EPHB3: variants seen among roughly 807,000 people sequenced by gnomAD.
EPHB3 encodes ephrin type-B receptor 3.
EPHB3 carries 33 observed loss-of-function variants against 100.2 expected under a neutral mutation model. That is an observed-to-expected ratio of 0.33 (90% CI 0.25 to 0.44). The LOEUF (loss-of-function observed/expected upper bound fraction) is 0.44, where lower values mean the gene tolerates loss of function less well. Among genes scored for constraint, EPHB3 ranks in the 20% least tolerant of loss-of-function variants. The pLI, the probability that EPHB3 is intolerant of heterozygous loss-of-function variation, is 1.00. For missense variants in EPHB3, 1,045 were observed against 1,378.3 expected, an observed-to-expected ratio of 0.76 and a Z score of 3.83; for synonymous variants, 526 against 554.7, an observed-to-expected ratio of 0.95 and a Z score of 0.73.
intron 1 of EPHB3, among the ~76,000 whole-genome samples, chr3:184,568,875 C>T (rs1714463406): frequency 1.3e-5 from 2 of 152,206 alleles, no homozygotes; most frequent in South Asian, 4.1e-4. Context: ...TGGCCAAGGG[C>T]CGATCCCCTC....
chr3:184,566,463 C>T (rs934708453), intron 1 of EPHB3, among the ~76,000 whole-genome samples: 2 of 152,202 alleles, frequency 1.3e-5, no homozygotes, highest in African/African-American at 4.8e-5. Context: ...GGAGGTGGCC[C>T]TGGGTGAGTT....
intron 1 of EPHB3, among the ~76,000 whole-genome samples, chr3:184,567,923 A>G (rs1030258234): frequency 1.8e-4 from 27 of 152,310 alleles, no homozygotes; most frequent in African/African-American, 6.3e-4. Context: ...TGAATGTCTA[A>G]GGAAGACTAA....
At chr3:184,570,212 A>G (rs1019025296) in intron 1 of EPHB3, among the ~76,000 whole-genome samples, 2 of 152,180 alleles carry the variant, frequency 1.3e-5, no homozygotes, top group Admixed American at 1.3e-4. Context: ...GGCTTCCTGG[A>G]GGAGGCAACA....
At chr3:184,580,669 G>T (rs1560064933) in intron 12 of EPHB3, 52 bp downstream of exon 12, 1 of 1,609,082 alleles carries the variant, frequency 6.2e-7, no homozygotes, top group Non-Finnish European at 8.5e-7. Flanking sequence ...TCAGCCAGGG[G>T]CTCGGGCCTG....
Position 184,573,308 on chromosome 3 carries a change from A to G in EPHB3, c.856+132A>G, listed in dbSNP as rs1714589539. The G allele has an allele frequency of 8.8e-7, 1 of 1,133,214 alleles. No individual in the cohort carries two copies. The allele number at this position is 1,133,214 out of a possible 1,614,324, so 70.2% of individuals were successfully genotyped here. On this transcript the variant is annotated intron_variant, in intron 3 of 15. Coordinates refer to ENST00000330394, the MANE Select transcript of EPHB3 (RefSeq NM_004443.4). The surrounding 1 kb of genome is among the most constrained non-coding windows in gnomAD (Gnocchi z 4.5). ...AGCAGGTCCACAGTGGAGGCAGGAG[A>G]GGGAAGAGTGGGGATCAGATGCAGA... is the stretch of plus-strand genomic sequence containing the variant.
intron 11 of EPHB3, 127 bp from the exon 12 acceptor site, chr3:184,580,275 A>T (rs1233683521): frequency 1.6e-6 from 2 of 1,233,446 alleles, no homozygotes; most frequent in Non-Finnish European, 2.3e-6. Flanking sequence ...ACTTACCCTC[A>T]GGGCACTCTG....
At chr3:184,566,743 G>A (rs762890520) in intron 1 of EPHB3, among the ~76,000 whole-genome samples, 10 of 152,240 alleles carry the variant, frequency 6.6e-5, no homozygotes, top group Non-Finnish European at 1.2e-4. Flanking sequence ...CACTCTGCGG[G>A]CCCAGCCCTG....
rs1216467135 is a variant in EPHB3, at chr3:184,573,436, T to G, written c.856+260T>G. Among the ~76,000 whole-genome samples, 1 of 151,962 alleles carries G rather than the reference T, an allele frequency of 6.6e-6. No homozygotes were observed. The highest frequency in any genetic ancestry group is 1.9e-4 in the East Asian group (1 of 5,180). On this transcript the variant is annotated intron_variant, in intron 3 of 15. Transcript: ENST00000330394. The surrounding 1 kb of genome is among the most constrained non-coding windows in gnomAD (Gnocchi z 4.5). The stretch of plus-strand genomic sequence containing the variant: ...GAGAGAGGAAGAGAAGCATGCAGAA[T>G]CCTTGGCAAGCAGGCACCTGGAGAA...
rs1417409301 is a variant in EPHB3, at chr3:184,561,941, G to C, written c.-295G>C. ...CACCTGCACCCTCCTGCCCCGGCCCGCCCCCCAAGTCCTCAGGCACCCAGC... is the reference window on the plus strand; with the variant it reads ...CACCTGCACCCTCCTGCCCCGGCCCCCCCCCCAAGTCCTCAGGCACCCAGC... On this transcript the variant is annotated 5_prime_UTR_variant, in exon 1 of 16. Transcript: ENST00000330394. 6.4e-6 allele frequency: 1 copy of C among 155,818 alleles called. No individual in the cohort carries two copies. Among genetic ancestry groups the C allele is most frequent in the Non-Finnish European group, 1.4e-5 (1 of 71,078 alleles). The allele number at this position is 155,818 out of a possible 1,614,324, so 9.7% of individuals were successfully genotyped here. A position where few individuals can be genotyped will look rare whatever the true frequency, so the allele number is the denominator to read the frequency against.
Position 184,578,946 on chromosome 3 carries a change from G to C in EPHB3, c.1801+480G>C, listed in dbSNP as rs1714751493. ...GGTGGGGAAGGAGCCCAACTGTGGGGGCAGCGAGAAGACTGGTTTGACAGC... is the reference window on the plus strand; with the variant it reads ...GGTGGGGAAGGAGCCCAACTGTGGGCGCAGCGAGAAGACTGGTTTGACAGC... On this transcript the variant is annotated intron_variant, in intron 9 of 15. Coordinates refer to ENST00000330394, the MANE Select transcript of EPHB3 (RefSeq NM_004443.4). This position sits in a 1 kb window ranked among gnomAD's most constrained non-coding sequence, Gnocchi z 4.7. Among the ~76,000 whole-genome samples the C allele has an allele frequency of 1.3e-5, 2 of 152,082 alleles. No individual in the cohort carries two copies. Among genetic ancestry groups the C allele is most frequent in the African/African-American group, 4.8e-5 (2 of 41,414 alleles).
chr3:184,577,496 C>T lies in EPHB3; in HGVS notation c.1479+29C>T. The T allele has an allele frequency of 6.2e-7, 1 of 1,612,922 alleles. No homozygotes were observed. Among genetic ancestry groups the T allele is most frequent in the South Asian group, 1.1e-5 (1 of 90,942 alleles). ...AGAACCTCAAGGGGCAGGAGGAGGC[C>T]TTGGGCTGAGCTGGGCTGAGAAAAT... On this transcript the variant is annotated intron_variant, in intron 6 of 15. Transcript: ENST00000330394. The surrounding 1 kb of genome is among the most constrained non-coding windows in gnomAD (Gnocchi z 4.9).
rs1386649657 is a variant in EPHB3, at chr3:184,582,285, C to T, written c.*663C>T. ...GTGTGTGTGTGTGTGTGTGCGCGCG[C>T]GCGCGCGTGTGTGTGTGCACGCACT... On this transcript the variant is annotated 3_prime_UTR_variant, in exon 16 of 16. Transcript: ENST00000330394. 4.6e-5 allele frequency: 7 copies of T among 152,598 alleles called. No homozygotes were observed. Among genetic ancestry groups the T allele is most frequent in the East Asian group, 1.9e-4 (1 of 5,150 alleles). The allele number at this position is 152,598 out of a possible 1,614,324, so 9.5% of individuals were successfully genotyped here.
Position 184,571,181 on chromosome 3 carries a change from T to A in EPHB3, c.119-137T>A, listed in dbSNP as rs887850824. On this transcript the variant is annotated intron_variant, in intron 1 of 15. Transcript: ENST00000330394. The surrounding 1 kb of genome is among the most constrained non-coding windows in gnomAD (Gnocchi z 5.0). Reference sequence around the variant, plus strand: ...GTTGGTCAGACTGATCTCAAACTCCTGACCTCAAGTGATCCACCTGCCTCA... The same window carrying A: ...GTTGGTCAGACTGATCTCAAACTCCAGACCTCAAGTGATCCACCTGCCTCA... 5 of 736,634 alleles carry A rather than the reference T, an allele frequency of 6.8e-6. No homozygotes were observed. In the Admixed American group the frequency reaches 8.5e-5, roughly 13 times the overall value. The allele number at this position is 736,634 out of a possible 1,614,324, so 45.6% of individuals were successfully genotyped here. A position where few individuals can be genotyped will look rare whatever the true frequency, so the allele number is the denominator to read the frequency against.
chr3:184,562,454 G>A lies in EPHB3; in HGVS notation c.118+101G>A, dbSNP rs1217763754. On this transcript the variant is annotated intron_variant, in intron 1 of 15. Coordinates refer to ENST00000330394, the MANE Select transcript of EPHB3 (RefSeq NM_004443.4). The surrounding 1 kb of genome is among the most constrained non-coding windows in gnomAD (Gnocchi z 4.8). Reference sequence around the variant, plus strand: ...GACCCGGATTGAGCGCACGTCGGAGGAGGCCCCGCCACCGGCGCCCGCTCC... The same window carrying A: ...GACCCGGATTGAGCGCACGTCGGAGAAGGCCCCGCCACCGGCGCCCGCTCC... 8.9e-7 allele frequency: 1 copy of A among 1,118,966 alleles called. No individual in the cohort carries two copies. 69.3% of individuals were successfully genotyped at this position (1,118,966 alleles called of 1,614,324 possible).
Position 184,578,391 on chromosome 3 carries a change from C to T in EPHB3, c.1749-23C>T. ...AGGCAGATGACTTGTCTCAGGCCTGCCCTCCACCCTGCCACCCTACAGGAA... is the reference window on the plus strand; with the variant it reads ...AGGCAGATGACTTGTCTCAGGCCTGTCCTCCACCCTGCCACCCTACAGGAA... On this transcript the variant is annotated intron_variant, in intron 8 of 15. Transcript: ENST00000330394. The surrounding 1 kb of genome is among the most constrained non-coding windows in gnomAD (Gnocchi z 4.7). 1 of 1,613,794 alleles carries T rather than the reference C, an allele frequency of 6.2e-7. No individual in the cohort carries two copies. The highest frequency in any genetic ancestry group is 8.5e-7 in the Non-Finnish European group (1 of 1,179,928).
At chr3:184,570,442 A>G (rs1714510503) in intron 1 of EPHB3, among the ~76,000 whole-genome samples, 1 of 152,232 alleles carries the variant, frequency 6.6e-6, no homozygotes, top group African/African-American at 2.4e-5. Context: ...TAAAAGGGAT[A>G]CACCAACAGT....
At position 184,571,245 on chromosome 3, in the gene EPHB3, C is replaced by G; in HGVS notation, c.119-73C>G. On this transcript the variant is annotated intron_variant, in intron 1 of 15. Coordinates refer to ENST00000330394, the MANE Select transcript of EPHB3 (RefSeq NM_004443.4). The surrounding 1 kb of genome is among the most constrained non-coding windows in gnomAD (Gnocchi z 5.0). ...CTGGGATTACAGGTGTGAGCCACTT[C>G]GCTCATCTGTGATCTCTTCTGTCTC... 1 of 1,518,018 alleles carries G rather than the reference C, an allele frequency of 6.6e-7. No homozygotes were observed. The highest frequency in any genetic ancestry group is 2.3e-5 in the East Asian group (1 of 44,232). The allele number at this position is 1,518,018 out of a possible 1,614,324, so 94.0% of individuals were successfully genotyped here.
Position 184,562,362 on chromosome 3 carries a change from C to T in EPHB3, c.118+9C>T, listed in dbSNP as rs1222423516. ...CTGCCGGGCGCTGGAAGGTGAGCGG[C>T]GTCGGGGGGCGCGCCCGGGAACAAG... On this transcript the variant is annotated intron_variant, in intron 1 of 15. Transcript: ENST00000330394. The surrounding 1 kb of genome is among the most constrained non-coding windows in gnomAD (Gnocchi z 4.8). The T allele has an allele frequency of 8.2e-7, 1 of 1,220,672 alleles. No individual in the cohort carries two copies. Among genetic ancestry groups the T allele is most frequent in the Non-Finnish European group, 1.0e-6 (1 of 982,284 alleles). 75.6% of individuals were successfully genotyped at this position (1,220,672 alleles called of 1,614,324 possible). A position where few individuals can be genotyped will look rare whatever the true frequency, so the allele number is the denominator to read the frequency against.
Position 184,571,528 on chromosome 3 carries a change from C to T in EPHB3, c.183+146C>T, listed in dbSNP as rs1211880498. 8.9e-6 allele frequency: 7 copies of T among 786,750 alleles called. No individual in the cohort carries two copies. Among genetic ancestry groups the T allele is most frequent in the Middle Eastern group, 6.4e-4 (2 of 3,124 alleles). The allele number at this position is 786,750 out of a possible 1,614,324, so 48.7% of individuals were successfully genotyped here. ...TCACCCTCACTTCCTGTGCCATCCC[C>T]ATCATCCTCACTTGTGACCCTCTGA... On this transcript the variant is annotated intron_variant, in intron 2 of 15. Transcript: ENST00000330394. This position sits in a 1 kb window ranked among gnomAD's most constrained non-coding sequence, Gnocchi z 5.0.
Sources: gnomAD v4.1 joint callset for allele counts (sites outside exome capture counted in the v4.1 genomes callset) on GRCh38, gnomAD v4.1.1 for gene constraint, Gnocchi (gnomAD v3.1) non-coding constraint, MANE v1.5 for transcripts, NCBI Gene and HGNC (gene_info 2026-07-23, HGNC 2026-07-21) for gene names.